USP37: variants seen among roughly 807,000 people sequenced by gnomAD.
The protein encoded by USP37 is ubiquitin carboxyl-terminal hydrolase 37.
In USP37, 27 loss-of-function variants were observed where a neutral mutation model predicts 124.0. The observed-to-expected ratio is 0.22, with a 90% CI of 0.16 to 0.30. The LOEUF is 0.30. Among genes scored for constraint, USP37 ranks in the 10% least tolerant of loss-of-function variants. The pLI is 1.00. For missense variants in USP37, 889 were observed against 1,140.4 expected (o/e 0.78, Z 3.17); for synonymous variants, 365 against 388.0 (o/e 0.94, Z 0.70).
At chr2:218,546,573 C>T (rs1275417376) in intron 7 of USP37, among the ~76,000 whole-genome samples, 1 of 152,100 alleles carries the variant, frequency 6.6e-6, no homozygotes, top group East Asian at 1.9e-4. Flanking sequence ...CGTGTGCCAC[C>T]ACACCAGGCT....
At chr2:218,460,743 C>A (rs761487044) in intron 22 of USP37, among the ~76,000 whole-genome samples, 2 of 151,852 alleles carry the variant, frequency 1.3e-5, no homozygotes, top group African/African-American at 2.4e-5. Flanking sequence ...GAGATCAAGA[C>A]CATCCTAGCC....
At chr2:218,469,690 G>C (rs1335098412) in intron 20 of USP37, among the ~76,000 whole-genome samples, 2 of 151,726 alleles carry the variant, frequency 1.3e-5, no homozygotes, top group East Asian at 3.9e-4. Context: ...TTCAGGATAA[G>C]ATTATCAGAC....
In USP37 at chr2:218,561,424, G is replaced by A. The variant is rs143463180; in HGVS notation, c.-88-541C>T. ...TGTAATCCCAGCACTTTGCGAGGCC[G>A]AGGTGGGCAGATCACCTGAGGTCAG... On this transcript the variant is annotated intron_variant, in intron 2 of 25. Transcript: ENST00000258399. 2.6e-3 allele frequency among the ~76,000 whole-genome samples: 399 copies of A among 152,232 alleles called. 1 individual carries two copies. The highest frequency in any genetic ancestry group is 6.4e-3 in the African/African-American group (264 of 41,546).
chr2:218,509,852 A>T, intron 11 of USP37, 127 bp downstream of exon 11: 1 of 903,860 alleles, frequency 1.1e-6, no homozygotes, highest in Non-Finnish European at 1.5e-6. Flanking sequence ...ATAAATCTTT[A>T]ATAAGTGATC....
At chr2:218,489,606 A>C (rs1290781487) in intron 14 of USP37, among the ~76,000 whole-genome samples, 1 of 151,848 alleles carries the variant, frequency 6.6e-6, no homozygotes, top group Non-Finnish European at 1.5e-5. Flanking sequence ...CAGCCTCCCA[A>C]GTAGCTGGGA....
intron 11 of USP37, among the ~76,000 whole-genome samples, chr2:218,501,642 C>G (rs1689396721): frequency 6.6e-6 from 1 of 152,206 alleles, no homozygotes; most frequent in South Asian, 2.1e-4. Flanking sequence ...AATTTGTGAA[C>G]TGCAATTCAG....
chr2:218,486,635 C>A (rs1282137013), intron 15 of USP37, among the ~76,000 whole-genome samples: 1 of 151,850 alleles, frequency 6.6e-6, no homozygotes, highest in Non-Finnish European at 1.5e-5. Flanking sequence ...GTTGGCCAGG[C>A]TGGTATTGAA....
intron 11 of USP37, among the ~76,000 whole-genome samples, chr2:218,507,021 C>T (rs1689719555): frequency 6.6e-6 from 1 of 152,016 alleles, no homozygotes; most frequent in South Asian, 2.1e-4. Context: ...TGGTTTTGAA[C>T]TCCTGACCTC....
At position 218,553,727 on chromosome 2, in the gene USP37, A is replaced by C; in HGVS notation, c.157-3T>G. On this transcript the variant is annotated splice_polypyrimidine_tract_variant and splice_region_variant and intron_variant, in intron 4 of 25. Coordinates refer to ENST00000258399, the MANE Select transcript of USP37 (RefSeq NM_020935.3). ...ACATTTTTAATGTTATGACTTAGCT[A>C]ATCAAGACAAAAGGAAAATTATCAT... 1 of 1,599,380 alleles carries C rather than the reference A, an allele frequency of 6.3e-7. No individual in the cohort carries two copies. Among genetic ancestry groups the C allele is most frequent in the Non-Finnish European group, 8.5e-7 (1 of 1,171,954 alleles).
At chr2:218,526,260 C>T (rs1690958234) in intron 10 of USP37, among the ~76,000 whole-genome samples, 1 of 151,682 alleles carries the variant, frequency 6.6e-6, no homozygotes, top group South Asian at 2.1e-4. Flanking sequence ...TTGAGACAGT[C>T]TTGCTCTGTT....
chr2:218,490,547 T>C (rs1309263530), intron 14 of USP37, among the ~76,000 whole-genome samples: 1 of 152,258 alleles, frequency 6.6e-6, no homozygotes, highest in Non-Finnish European at 1.5e-5. Context: ...ATCAGTACTT[T>C]AGGTAATATT....
intron 23 of USP37, among the ~76,000 whole-genome samples, chr2:218,457,774 G>A (rs762377139): frequency 1.3e-5 from 2 of 152,080 alleles, no homozygotes; most frequent in African/African-American, 2.4e-5. Flanking sequence ...AAGGCCAGGC[G>A]TGGTGGCTCA....
intron 6 of USP37, among the ~76,000 whole-genome samples, chr2:218,547,753 G>C (rs1001001693): frequency 5.3e-5 from 8 of 152,158 alleles, no homozygotes; most frequent in Non-Finnish European, 1.2e-4. Context: ...CATGACTCTT[G>C]AGAGGGTTCT....
Position 218,553,017 on chromosome 2 carries a change from G to C in USP37, c.328+536C>G, listed in dbSNP as rs969843915. On this transcript the variant is annotated intron_variant, in intron 5 of 25. Transcript: ENST00000258399. ...TTGTGGAATCTACATATAAGATCAA[G>C]TCATCTGCAAACACAAATAATTTTA... Among the ~76,000 whole-genome samples, 4 of 152,168 alleles carry C rather than the reference G, an allele frequency of 2.6e-5. No homozygotes were observed. The South Asian group carries it at 6.2e-4, about 24-fold the overall frequency.
intron 15 of USP37, 72 bp from the exon 16 acceptor site, chr2:218,485,815 T>C (rs1691530047): frequency 2.7e-6 from 4 of 1,485,148 alleles, no homozygotes; most frequent in Non-Finnish European, 3.7e-6. Flanking sequence ...TAATTTGCTC[T>C]AGTCTTATTA....
At chr2:218,524,385 C>T (rs987049582) in intron 10 of USP37, among the ~76,000 whole-genome samples, 1 of 152,110 alleles carries the variant, frequency 6.6e-6, no homozygotes, top group Non-Finnish European at 1.5e-5. Context: ...TAGGTGTGAA[C>T]CACTGCTCCA....
At chr2:218,461,138 A>G (rs1574835694) in intron 22 of USP37, among the ~76,000 whole-genome samples, 1 of 152,230 alleles carries the variant, frequency 6.6e-6, no homozygotes, top group African/African-American at 2.4e-5. Context: ...GCATTTGTAC[A>G]TAAATGGTTA....
intron 24 of USP37, 32 bp from the exon 25 acceptor site, chr2:218,455,750 T>C (rs1440187512): frequency 6.2e-7 from 1 of 1,608,476 alleles, no homozygotes; most frequent in South Asian, 1.1e-5. Context: ...AATCAAGGTT[T>C]TTAAAAACAC....
chr2:218,553,674 T>C lies in USP37; in HGVS notation c.207A>G (p.Gln69=), dbSNP rs1461646154. 2.5e-6 allele frequency: 4 copies of C among 1,613,870 alleles called. No homozygotes were observed. Among genetic ancestry groups the C allele is most frequent in the East Asian group, 4.5e-5 (2 of 44,896 alleles). The change falls in exon 5 of 26, where the codon CAA becomes CAG. Residue 69 remains glutamine (Q), a synonymous_variant. Transcript: ENST00000258399. The part of the protein sequence containing the change: ...NVVLRPSGAK[Q]SRLMLTLQDN... ...CTTGCAGAGTTAACATTAGGCGGCTTTGTTTCGCTCCACTGGGTCGAAGCA... is the reference window on the plus strand; with the variant it reads ...CTTGCAGAGTTAACATTAGGCGGCTCTGTTTCGCTCCACTGGGTCGAAGCA...
Sources: allele counts gnomAD v4.1 joint callset (sites outside exome capture counted in the v4.1 genomes callset), GRCh38; gene constraint gnomAD v4.1.1; transcripts MANE v1.5; gene names NCBI Gene and HGNC (gene_info 2026-07-23, HGNC 2026-07-21).